Variants in LRRC49 observed in about 807,000 individuals in gnomAD.
LRRC49 encodes leucine-rich repeat-containing protein 49.
A neutral mutation model predicts 83.3 loss-of-function variants in LRRC49; 50 were observed. That is an observed-to-expected ratio of 0.60 (90% confidence interval 0.48 to 0.76). LRRC49 has a LOEUF of 0.76. LRRC49 is among the 30% of genes least tolerant of loss of function. The probability of loss-of-function intolerance (pLI) is 0.00; values close to 1 mark genes in which losing one functional copy is unlikely to be tolerated. For missense variants in LRRC49, 704 were observed against 809.1 expected (o/e 0.87, Z 1.58); for synonymous variants, 286 against 283.3 (o/e 1.01, Z -0.10).
intron 9 of LRRC49, among the ~76,000 whole-genome samples, chr15:70,968,141 C>T (rs920696697): frequency 6.6e-6 from 1 of 152,028 alleles, no homozygotes; most frequent in Admixed American, 6.6e-5. Context: ...CTCTCCTTGC[C>T]TCCACACCCC....
rs79967111 is a variant in LRRC49 at position 71,037,010 on chromosome 15, T to A, written c.1704-169T>A. Among the ~76,000 whole-genome samples the A allele has an allele frequency of 3.4e-4, 52 of 152,266 alleles. 3 individuals carry two copies. The East Asian group carries it at 9.6e-3, about 28-fold the overall frequency. Reference sequence around the variant, plus strand: ...AATAATTGGGGCTGAATAGCTTAATTAGTAGAAAGTTTGGGGTACCAGACT... The same window carrying A: ...AATAATTGGGGCTGAATAGCTTAATAAGTAGAAAGTTTGGGGTACCAGACT... On this transcript the variant is annotated intron_variant, in intron 14 of 15. Transcript: ENST00000260382.
At chr15:70,892,452 G>T, upstream of LRRC49, 1 of 1,534,100 alleles carries the variant, frequency 6.5e-7, no homozygotes, top group Non-Finnish European at 8.7e-7. Flanking sequence ...CAATGGGAGG[G>T]CTCTTTGATA....
intron 11 of LRRC49, among the ~76,000 whole-genome samples, chr15:71,003,705 A>T (rs1180805798): frequency 6.6e-6 from 1 of 152,242 alleles, no homozygotes; most frequent in Non-Finnish European, 1.5e-5. Flanking sequence ...AACTCTGAAA[A>T]TATATGTATT....
chr15:70,892,929 G>A lies in LRRC49; in HGVS notation c.35G>A (p.Arg12Gln), dbSNP rs751297011. Residue 12 changes from arginine (R) to glutamine (Q), a missense_variant, in exon 1 of 16, where the codon CGG (arginine) becomes CAG (glutamine). Around this residue, in one of 3 missense-constraint regions of LRRC49, gnomAD observed 261 missense variants for 330.5 expected, o/e 0.79. Transcript: ENST00000260382. ...IPGKYRSVSG[R>Q]AANNVNCGLH... ...GGGAAATATCGCTCTGTTTCTGGCC[G>A]GGCTGCGAACAACGTAAGTTGGGCC... is the stretch of plus-strand genomic sequence containing the variant. 30 of 1,614,036 alleles carry A rather than the reference G, an allele frequency of 1.9e-5. No homozygotes were observed. The highest frequency in any genetic ancestry group is 2.5e-5 in the Non-Finnish European group (30 of 1,180,032).
At chr15:70,921,568 G>T (rs545213490) in intron 7 of LRRC49, among the ~76,000 whole-genome samples, 85 of 152,320 alleles carry the variant, frequency 5.6e-4, no homozygotes, top group African/African-American at 2.0e-3. Context: ...CCTGCTCATT[G>T]TATGCACTGA....
Position 71,049,693 on chromosome 15 carries a change from A to G in LRRC49, c.*81A>G. 1 of 849,470 alleles carries G rather than the reference A, an allele frequency of 1.2e-6. No homozygotes were observed. Among genetic ancestry groups the G allele is most frequent in the South Asian group, 1.6e-5 (1 of 62,438 alleles). 52.6% of individuals were successfully genotyped at this position (849,470 alleles called of 1,614,324 possible). A position where few individuals can be genotyped will look rare whatever the true frequency, so the allele number is the denominator to read the frequency against. ...TATGCAGGTTATACATGTTAAAACAACAACAACACTATCCTATAAACTAGA... is the reference window on the plus strand; with the variant it reads ...TATGCAGGTTATACATGTTAAAACAGCAACAACACTATCCTATAAACTAGA... On this transcript the variant is annotated 3_prime_UTR_variant, in exon 16 of 16. Transcript: ENST00000260382.
At chr15:70,951,577 T>C (rs907981587) in intron 8 of LRRC49, among the ~76,000 whole-genome samples, 2 of 152,174 alleles carry the variant, frequency 1.3e-5, no homozygotes, top group East Asian at 3.9e-4. Context: ...TATTGGTGTA[T>C]AGAAATGCTA....
At chr15:70,935,370 T>C (rs1385321952) in intron 7 of LRRC49, among the ~76,000 whole-genome samples, 1 of 152,224 alleles carries the variant, frequency 6.6e-6, no homozygotes, top group Non-Finnish European at 1.5e-5. Flanking sequence ...AGCTTCATTT[T>C]TCCTTTGCTC....
chr15:70,942,282 C>G (rs2035849830), intron 8 of LRRC49, among the ~76,000 whole-genome samples: 1 of 151,968 alleles, frequency 6.6e-6, no homozygotes, highest in South Asian at 2.1e-4. Context: ...CGTGAAGGTT[C>G]TAAAAGTTGC....
At chr15:71,012,689 C>T in intron 13 of LRRC49, 115 bp from the exon 14 acceptor site, 1 of 625,854 alleles carries the variant, frequency 1.6e-6, no homozygotes, top group Non-Finnish European at 2.8e-6. Context: ...GGAGAATGTG[C>T]TTTTGTGGGC....
At chr15:70,961,647 A>G (rs1433966461) in intron 8 of LRRC49, among the ~76,000 whole-genome samples, 1 of 152,236 alleles carries the variant, frequency 6.6e-6, no homozygotes, top group Non-Finnish European at 1.5e-5. Flanking sequence ...AGTCAATCTG[A>G]AAAGGCTACA....
At chr15:71,018,669 G>T (rs569228584) in intron 14 of LRRC49, among the ~76,000 whole-genome samples, 1 of 152,176 alleles carries the variant, frequency 6.6e-6, no homozygotes, top group African/African-American at 2.4e-5. Context: ...GACACCAGCT[G>T]GGTGCCCTCT....
At chr15:70,854,211 G>A (rs1019148404) in intron 1 of LRRC49, 5 of 638,324 alleles carry the variant, frequency 7.8e-6, no homozygotes, top group African/African-American at 2.0e-5. Flanking sequence ...CCCAGGGGAG[G>A]GACAGGGGTC....
At chr15:70,938,470 G>A (rs2035681539) in intron 8 of LRRC49, among the ~76,000 whole-genome samples, 1 of 152,072 alleles carries the variant, frequency 6.6e-6, no homozygotes, top group African/African-American at 2.4e-5. Flanking sequence ...AGTGTTTCCA[G>A]CGGATCTGCT....
chr15:70,892,737 C>A, upstream of LRRC49: 2 of 1,518,358 alleles, frequency 1.3e-6, no homozygotes, highest in East Asian at 2.4e-5. Flanking sequence ...GACTGTGTGG[C>A]TCTATCGATT....
At chr15:71,047,718 G>A (rs768724062) in intron 15 of LRRC49, among the ~76,000 whole-genome samples, 41 of 152,100 alleles carry the variant, frequency 2.7e-4, no homozygotes, top group Non-Finnish European at 4.7e-4. Flanking sequence ...AGAAATCTTC[G>A]TAGGTATAAT....
intron 2 of LRRC49, chr15:70,881,450 G>C (rs2033262019): frequency 6.6e-6 from 1 of 152,124 alleles, no homozygotes; most frequent in Admixed American, 6.5e-5. Flanking sequence ...ATACATGCAA[G>C]TTCTTCTAAT....
At chr15:70,987,786 T>C (rs1460714699) in intron 11 of LRRC49, among the ~76,000 whole-genome samples, 1 of 152,212 alleles carries the variant, frequency 6.6e-6, no homozygotes, top group East Asian at 1.9e-4. Flanking sequence ...GCTATAAGTT[T>C]CCCTCTACAC....
At chr15:71,003,149 C>A (rs1014133748) in intron 11 of LRRC49, among the ~76,000 whole-genome samples, 1 of 151,764 alleles carries the variant, frequency 6.6e-6, no homozygotes, top group African/African-American at 2.4e-5. Context: ...ATTGACCAGG[C>A]TGATCTCTAA....
Sources: gnomAD v4.1 joint callset for allele counts (sites outside exome capture counted in the v4.1 genomes callset) on GRCh38, gnomAD v4.1.1 for gene constraint, gnomAD v4.1.1 regional missense constraint, MANE v1.5 for transcripts, NCBI Gene and HGNC (gene_info 2026-07-23, HGNC 2026-07-21) for gene names.